SNAP91: variants seen among roughly 807,000 people sequenced by gnomAD.
SNAP91 encodes clathrin coat assembly protein AP180.
SNAP91 carries 27 observed loss-of-function variants against 100.3 expected under a neutral mutation model. That is an observed-to-expected ratio of 0.27 (90% CI 0.20 to 0.37). SNAP91 has a LOEUF of 0.37. Ranked by LOEUF, SNAP91 falls within the 10% of genes least tolerant of loss-of-function variation. The probability of loss-of-function intolerance (pLI) is 1.00; values close to 1 mark genes in which losing one functional copy is unlikely to be tolerated. For synonymous variants in SNAP91, 404 were observed against 398.6 expected, an observed-to-expected ratio of 1.01 and a Z score of -0.16; for missense variants, 986 against 1,123.7, an observed-to-expected ratio of 0.88 and a Z score of 1.75.
Position 83,592,936 on chromosome 6 carries a change from A to G in SNAP91, c.1846+10T>C, listed in dbSNP as rs2093980313. The G allele has an allele frequency of 1.3e-6, 2 of 1,571,506 alleles. No individual in the cohort carries two copies. Among genetic ancestry groups the G allele is most frequent in the Non-Finnish European group, 1.7e-6 (2 of 1,156,924 alleles). On this transcript the variant is annotated intron_variant, in intron 20 of 29. Coordinates refer to ENST00000369694, the MANE Select transcript of SNAP91 (RefSeq NM_001242792.2). ...CATCTCTGAAGTCCTGACCTTGGCAAAGCACTCACCAGATAAGAGGTCAGC... is the reference window on the plus strand; with the variant it reads ...CATCTCTGAAGTCCTGACCTTGGCAGAGCACTCACCAGATAAGAGGTCAGC...
rs569582487 is a variant in SNAP91 at position 83,685,088 on chromosome 6, A to G, written c.131-19507T>C. Among the ~76,000 whole-genome samples the G allele has an allele frequency of 4.6e-5, 7 of 152,338 alleles. No individual in the cohort carries two copies. In the South Asian group the frequency reaches 1.5e-3, roughly 32 times the overall value. On this transcript the variant is annotated intron_variant, in intron 2 of 29. Coordinates refer to ENST00000369694, the MANE Select transcript of SNAP91 (RefSeq NM_001242792.2). The stretch of plus-strand genomic sequence containing the variant: ...AAGCAAAACTTGTCCCTCAGTGTCT[A>G]AACAAGACAAGAATTATGATTGGAT...
chr6:83,617,920 T>C (rs2096565851), intron 9 of SNAP91, among the ~76,000 whole-genome samples: 1 of 151,884 alleles, frequency 6.6e-6, no homozygotes, highest in South Asian at 2.1e-4. Context: ...AAATGAAATA[T>C]ATAACTACCC....
intron 22 of SNAP91, 114 bp downstream of exon 22, chr6:83,591,097 G>A: frequency 1.5e-6 from 1 of 678,536 alleles, no homozygotes. Flanking sequence ...TCAATTTTAT[G>A]TCTTGAAAGA....
intron 25 of SNAP91, chr6:83,575,413 G>A (rs1053196037): frequency 2.6e-6 from 1 of 385,824 alleles, no homozygotes; most frequent in Non-Finnish European, 4.7e-6. Context: ...GGATTCATTT[G>A]TTATTAAAAA....
At chr6:83,614,973 T>G (rs2096392451) in intron 10 of SNAP91, 111 bp from the exon 11 acceptor site, 1 of 814,336 alleles carries the variant, frequency 1.2e-6, no homozygotes, top group Non-Finnish European at 1.9e-6. Context: ...AATGTGGTTT[T>G]AGCCAATTCA....
chr6:83,667,457 A>T (rs1056122631), intron 2 of SNAP91, among the ~76,000 whole-genome samples: 7 of 152,208 alleles, frequency 4.6e-5, no homozygotes, highest in African/African-American at 1.7e-4. Context: ...GTAAGAAATT[A>T]AAAAGATTTA....
At chr6:83,702,872 A>T (rs2099330583) in intron 2 of SNAP91, among the ~76,000 whole-genome samples, 1 of 152,110 alleles carries the variant, frequency 6.6e-6, no homozygotes, top group Non-Finnish European at 1.5e-5. Context: ...TTTTTAAAGC[A>T]TGCTCCCTCC....
intron 2 of SNAP91, among the ~76,000 whole-genome samples, chr6:83,705,981 CTTTTA>C (rs1351620890): frequency 1.3e-5 from 2 of 152,284 alleles, no homozygotes; most frequent in East Asian, 3.9e-4. Context: ...CAGCTGCTTT[CTTTTA>C]TAACATGGAA....
intron 14 of SNAP91, among the ~76,000 whole-genome samples, chr6:83,602,309 C>G (rs2095309342): frequency 6.6e-6 from 1 of 152,064 alleles, no homozygotes. Context: ...AAAATGCTAT[C>G]ATTACAATGT....
chr6:83,596,835 C>T (rs1181937637), intron 16 of SNAP91, among the ~76,000 whole-genome samples: 2 of 152,254 alleles, frequency 1.3e-5, no homozygotes, highest in South Asian at 2.1e-4. Flanking sequence ...TGGCTCAGAG[C>T]TGTCTGAGCT....
chr6:83,658,730 T>G (rs920513225), intron 6 of SNAP91, among the ~76,000 whole-genome samples: 1 of 152,186 alleles, frequency 6.6e-6, no homozygotes, highest in Non-Finnish European at 1.5e-5. Context: ...TCAAGTACAA[T>G]AGGAAGTCAC....
chr6:83,605,718 G>A lies in SNAP91; in HGVS notation c.1108C>T (p.Pro370Ser). ...GCAGTGGCTCCTCCAGCAGGTGGTG[G>A]TGGTGCTGGTGCTGCGGCTGCTGCT... ...GAAAAAAPAP[P>S]PPAGGATAWG... Residue 370 changes from proline (P) to serine (S), a missense_variant, in exon 14 of 30, where the codon CCA becomes TCA. By Grantham distance (74) the Pro-to-Ser change is moderately conservative. Transcript: ENST00000369694. 6.4e-7 allele frequency: 1 copy of A among 1,552,318 alleles called. No homozygotes were observed. Among genetic ancestry groups the A allele is most frequent in the Non-Finnish European group, 8.7e-7 (1 of 1,147,318 alleles).
chr6:83,583,005 A>G (rs917666828), intron 22 of SNAP91, among the ~76,000 whole-genome samples: 3 of 152,188 alleles, frequency 2.0e-5, no homozygotes, highest in Non-Finnish European at 4.4e-5. Context: ...AAAATCTTCT[A>G]TCAGCTTCCC....
intron 12 of SNAP91, among the ~76,000 whole-genome samples, chr6:83,610,212 C>A (rs1210916133): frequency 8.6e-5 from 13 of 151,964 alleles, no homozygotes; most frequent in Non-Finnish European, 1.5e-5. Flanking sequence ...AACCAAATAT[C>A]TACTGATGGA....
At chr6:83,702,580 C>G (rs2099327690) in intron 2 of SNAP91, among the ~76,000 whole-genome samples, 1 of 151,958 alleles carries the variant, frequency 6.6e-6, no homozygotes, top group African/African-American at 2.4e-5. Context: ...AATTTGCCTA[C>G]TATCTATATA....
At chr6:83,619,304 G>C (rs1422334769) in intron 9 of SNAP91, among the ~76,000 whole-genome samples, 1 of 152,034 alleles carries the variant, frequency 6.6e-6, no homozygotes, top group African/African-American at 2.4e-5. Context: ...TGTCTTTGGA[G>C]GAAAAAAAGT....
chr6:83,692,094 C>A (rs2099138248), intron 2 of SNAP91, among the ~76,000 whole-genome samples: 1 of 152,152 alleles, frequency 6.6e-6, no homozygotes, highest in African/African-American at 2.4e-5. Context: ...TGAGGGTGAG[C>A]TCTTTGTACA....
chr6:83,646,235 C>G (rs2097912014), intron 7 of SNAP91, among the ~76,000 whole-genome samples: 1 of 152,056 alleles, frequency 6.6e-6, no homozygotes, highest in African/African-American at 2.4e-5. Context: ...TAATAAAGTC[C>G]AGCTCTTCAA....
intron 22 of SNAP91, among the ~76,000 whole-genome samples, chr6:83,589,525 C>A (rs1275293721): frequency 6.6e-6 from 1 of 152,132 alleles, no homozygotes; most frequent in Non-Finnish European, 1.5e-5. Context: ...AGCTTCTCAG[C>A]ATAAGTTCTC....
Sources: allele counts gnomAD v4.1 joint callset (sites outside exome capture counted in the v4.1 genomes callset), GRCh38; gene constraint gnomAD v4.1.1; transcripts MANE v1.5; gene names NCBI Gene and HGNC (gene_info 2026-07-23, HGNC 2026-07-21).